Variants in PCLO observed in about 807,000 individuals in gnomAD.
PCLO encodes the protein protein piccolo.
Under a neutral mutation model 427.5 loss-of-function variants are expected in PCLO, and 82 were observed. The observed-to-expected ratio is 0.19, with a 90% CI of 0.16 to 0.23. PCLO has a LOEUF of 0.23. Ranked by LOEUF, PCLO falls within the 10% of genes least tolerant of loss-of-function variation. The pLI is 1.00. For missense variants in PCLO, 6,239 were observed against 6,115.9 expected (o/e 1.02, Z -0.67); for synonymous variants, 2,357 against 2,155.4 (o/e 1.09, Z -2.59).
At chr7:82,936,654 G>A (rs1794959486) in intron 6 of PCLO, among the ~76,000 whole-genome samples, 1 of 151,616 alleles carries the variant, frequency 6.6e-6, no homozygotes, top group South Asian at 2.1e-4. Flanking sequence ...ATAACATCCA[G>A]CAGTTAGCTA....
intron 3 of PCLO, among the ~76,000 whole-genome samples, chr7:83,023,943 T>A (rs1199113953): frequency 1.3e-5 from 2 of 152,134 alleles, no homozygotes; most frequent in African/African-American, 2.4e-5. Context: ...CAAACAAAAT[T>A]GATAGAAATG....
intron 3 of PCLO, among the ~76,000 whole-genome samples, chr7:83,041,791 T>G (rs1788980715): frequency 6.6e-6 from 1 of 152,284 alleles, no homozygotes; most frequent in African/African-American, 2.4e-5. Context: ...TTCACACAAT[T>G]ACATTTCCTA....
At chr7:83,038,145 A>G (rs1485123556) in intron 3 of PCLO, among the ~76,000 whole-genome samples, 1 of 128,672 alleles carries the variant, frequency 7.8e-6, no homozygotes, top group Non-Finnish European at 1.6e-5. Context: ...ACACACTCAT[A>G]TATACACATA....
At chr7:83,093,492 A>ATATATATATATATATTTTTTTTTTT in intron 3 of PCLO, among the ~76,000 whole-genome samples, 2 of 59,316 alleles carry the variant, frequency 3.4e-5, no homozygotes, top group Non-Finnish European at 3.3e-5. Context: ...ATATATATAT[A>ATATATATATATATATTTTTTTTTTT]TTTTTTTTTT....
intron 3 of PCLO, among the ~76,000 whole-genome samples, chr7:83,062,122 A>C (rs375158813): frequency 1.3e-5 from 2 of 152,142 alleles, no homozygotes; most frequent in East Asian, 3.9e-4. Flanking sequence ...ATTTTATTTC[A>C]TGGAGTTGAT....
intron 3 of PCLO, among the ~76,000 whole-genome samples, chr7:83,007,492 C>T (rs898376683): frequency 2.6e-5 from 4 of 151,348 alleles, no homozygotes; most frequent in Non-Finnish European, 5.9e-5. Context: ...AAAACGATAA[C>T]AACTTAAATT....
intron 10 of PCLO, among the ~76,000 whole-genome samples, chr7:82,856,344 A>G (rs1003415211): frequency 7.2e-5 from 11 of 152,208 alleles, no homozygotes; most frequent in African/African-American, 2.4e-4. Flanking sequence ...ACAATTAGCC[A>G]TGATTTGTGG....
chr7:82,834,382 G>A (rs1490855634), intron 16 of PCLO, among the ~76,000 whole-genome samples: 5 of 152,122 alleles, frequency 3.3e-5, no homozygotes, highest in African/African-American at 7.2e-5. Flanking sequence ...CAGTTACATT[G>A]TTTGCCATAA....
chr7:82,997,130 A>G (rs567997073), intron 3 of PCLO, among the ~76,000 whole-genome samples: 1 of 151,926 alleles, frequency 6.6e-6, no homozygotes, highest in Non-Finnish European at 1.5e-5. Context: ...TCAATGGATA[A>G]TAACACCTAG....
chr7:82,821,408 T>C (rs976097339), intron 20 of PCLO: 20 of 985,714 alleles, frequency 2.0e-5, no homozygotes, highest in South Asian at 9.4e-5. Flanking sequence ...ATAGGTTGTG[T>C]TTTCAAATGC....
At chr7:83,090,021 C>T (rs1378223784) in intron 3 of PCLO, among the ~76,000 whole-genome samples, 1 of 152,104 alleles carries the variant, frequency 6.6e-6, no homozygotes, top group East Asian at 1.9e-4. Flanking sequence ...GCCGTAGGTA[C>T]TGGCCAGGCA....
chr7:83,132,894 G>A (rs1791609432), intron 3 of PCLO, among the ~76,000 whole-genome samples: 1 of 151,258 alleles, frequency 6.6e-6, no homozygotes. Context: ...TTCTAAAAGT[G>A]TTTTTTTTAA....
intron 3 of PCLO, among the ~76,000 whole-genome samples, chr7:83,096,929 A>T (rs1400624557): frequency 1.9e-5 from 1 of 52,110 alleles, no homozygotes; most frequent in Non-Finnish European, 2.9e-5. Context: ...ATATAATATA[A>T]TATAATATAT....
chr7:83,134,231 AT>A lies in PCLO; in HGVS notation c.3300+18del, dbSNP rs1562982002. On this transcript the variant is annotated intron_variant, in intron 3 of 24. Coordinates refer to ENST00000333891, the MANE Select transcript of PCLO (RefSeq NM_033026.6). ...ACCTCCATATGTAATATATATATAT[AT>A]ATATATATATAACTTACCTCAGTCA... is the stretch of plus-strand genomic sequence containing the variant. The A allele has an allele frequency of 6.9e-6, 5 of 723,920 alleles. 1 individual carries two copies. Among genetic ancestry groups the A allele is most frequent in the East Asian group, 4.0e-5 (1 of 24,882 alleles). 44.8% of individuals were successfully genotyped at this position (723,920 alleles called of 1,614,324 possible).
intron 10 of PCLO, among the ~76,000 whole-genome samples, chr7:82,860,962 T>C (rs753305389): frequency 4.6e-5 from 7 of 151,868 alleles, no homozygotes; most frequent in Non-Finnish European, 1.0e-4. Context: ...AAGCATATGA[T>C]ATATACGCAA....
chr7:82,917,876 G>C (rs1057020247), intron 6 of PCLO, among the ~76,000 whole-genome samples: 2 of 151,862 alleles, frequency 1.3e-5, no homozygotes, highest in Non-Finnish European at 2.9e-5. Context: ...CCTGAAAATT[G>C]TGCCTTATTA....
At chr7:82,828,818 T>C (rs1446642071) in intron 16 of PCLO, among the ~76,000 whole-genome samples, 2 of 152,146 alleles carry the variant, frequency 1.3e-5, no homozygotes, top group African/African-American at 4.8e-5. Flanking sequence ...TAACTCTCAC[T>C]GCTTTTTTCT....
At chr7:82,874,275 G>T (rs1793315521) in intron 10 of PCLO, among the ~76,000 whole-genome samples, 1 of 151,950 alleles carries the variant, frequency 6.6e-6, no homozygotes, top group Non-Finnish European at 1.5e-5. Flanking sequence ...ACAAGGTCAA[G>T]GTACACAATA....
chr7:83,056,800 T>C (rs924509696), intron 3 of PCLO, among the ~76,000 whole-genome samples: 1 of 152,066 alleles, frequency 6.6e-6, no homozygotes, highest in Non-Finnish European at 1.5e-5. Flanking sequence ...GAATTCTTGA[T>C]GCTTAATCCA....
Sources: gnomAD v4.1 joint callset for allele counts (sites outside exome capture counted in the v4.1 genomes callset) on GRCh38, gnomAD v4.1.1 for gene constraint, MANE v1.5 for transcripts, NCBI Gene and HGNC (gene_info 2026-07-23, HGNC 2026-07-21) for gene names.